The following RFTN2 variants were observed in gnomAD, a reference collection of about 807,000 sequenced individuals.
RFTN2 encodes the protein raftlin family member 2.
RFTN2 carries 34 observed loss-of-function variants against 52.7 expected under a neutral mutation model. The ratio of observed to expected loss-of-function variants is 0.64; its 90% CI spans 0.49 to 0.86. The LOEUF (loss-of-function observed/expected upper bound fraction) is 0.86. Ranked by LOEUF, RFTN2 falls within the 40% of genes least tolerant of loss-of-function variation. The pLI is 0.00. For missense variants in RFTN2, 536 were observed against 600.1 expected (o/e 0.89, Z 1.12); for synonymous variants, 203 against 217.7 (o/e 0.93, Z 0.59).
chr2:197,651,901 A>G (rs2088832380), intron 1 of RFTN2, among the ~76,000 whole-genome samples: 1 of 152,244 alleles, frequency 6.6e-6, no homozygotes, highest in Admixed American at 6.5e-5. Flanking sequence ...AAAAGCAATG[A>G]TGGTGTAAGG....
intron 8 of RFTN2, among the ~76,000 whole-genome samples, chr2:197,576,196 TG>T (rs948285371): frequency 6.6e-6 from 1 of 151,928 alleles, no homozygotes; most frequent in Admixed American, 6.6e-5. Flanking sequence ...TTAGTAGAGA[TG>T]GGGTTTCAAC....
chr2:197,616,859 G>A (rs1361588407), intron 6 of RFTN2, among the ~76,000 whole-genome samples: 2 of 152,056 alleles, frequency 1.3e-5, no homozygotes, highest in African/African-American at 2.4e-5. Context: ...TTGAAAATGG[G>A]CTATGTCTCT....
intron 8 of RFTN2, among the ~76,000 whole-genome samples, chr2:197,580,618 T>C (rs1476599627): frequency 6.6e-6 from 1 of 152,222 alleles, no homozygotes; most frequent in Admixed American, 6.5e-5. Flanking sequence ...CTTGGAAGCC[T>C]CCTGGACCAT....
rs1014827984 is a variant in RFTN2 at position 197,629,685 on chromosome 2, C to T, written c.928+1326G>A. Reference sequence around the variant, plus strand: ...TATTTTTAATTTTTATACACACACACACACACACACACACATATTTATTTT... The same window carrying T: ...TATTTTTAATTTTTATACACACACATACACACACACACACATATTTATTTT... On this transcript the variant is annotated intron_variant, in intron 5 of 8. Coordinates refer to ENST00000295049, the MANE Select transcript of RFTN2 (RefSeq NM_144629.3). Among the ~76,000 whole-genome samples the T allele has an allele frequency of 8.1e-5, 12 of 148,560 alleles. No individual in the cohort carries two copies. The East Asian group carries it at 2.4e-3, about 29-fold the overall frequency.
At chr2:197,575,810 C>G (rs1284067478) in intron 8 of RFTN2, among the ~76,000 whole-genome samples, 1 of 120,020 alleles carries the variant, frequency 8.3e-6, no homozygotes, top group Non-Finnish European at 1.7e-5. Flanking sequence ...ATTTTATATA[C>G]ATAATATATA....
chr2:197,596,043 A>G lies in RFTN2; in HGVS notation c.1181T>C (p.Ile394Thr). 6.2e-7 allele frequency: 1 copy of G among 1,612,100 alleles called. No homozygotes were observed. The highest frequency in any genetic ancestry group is 8.5e-7 in the Non-Finnish European group (1 of 1,178,416). Reference protein sequence around the residue: ...DSEGNLATKQIVFLQRPVMWN... With the variant: ...DSEGNLATKQTVFLQRPVMWN... ...CATAACTGGCCTCTGAAGGAATACG[A>G]TCTGCTTTGTAGCCAAATTCCCTTC... The change falls in exon 8 of 9, where the codon ATC (isoleucine) becomes ACC (threonine). Residue 394 changes from isoleucine to threonine, a missense_variant. Ile to Thr is a moderately conservative substitution (Grantham distance 89). Transcript: ENST00000295049.
chr2:197,600,813 G>C (rs568400865), intron 7 of RFTN2, among the ~76,000 whole-genome samples: 22 of 152,252 alleles, frequency 1.4e-4, no homozygotes, highest in African/African-American at 5.1e-4. Context: ...AGAATCTTCT[G>C]GTTCTGTTTT....
At position 197,571,177 on chromosome 2, in the gene RFTN2, G is replaced by A. The variant is rs2087311010; in HGVS notation, c.*831C>T. The A allele has an allele frequency of 1.3e-5, 2 of 152,294 alleles. No individual in the cohort carries two copies. Among genetic ancestry groups the A allele is most frequent in the South Asian group, 4.1e-4 (2 of 4,826 alleles). The allele number at this position is 152,294 out of a possible 1,614,324, so 9.4% of individuals were successfully genotyped here. A position where few individuals can be genotyped will look rare whatever the true frequency, so the allele number is the denominator to read the frequency against. Reference sequence around the variant, plus strand: ...TAAAAGCAGAATTCAAATCTAGACAGATGTAAAAGACTTCAGTTTCAAATT... The same window carrying A: ...TAAAAGCAGAATTCAAATCTAGACAAATGTAAAAGACTTCAGTTTCAAATT... On this transcript the variant is annotated 3_prime_UTR_variant, in exon 9 of 9. Coordinates refer to ENST00000295049, the MANE Select transcript of RFTN2 (RefSeq NM_144629.3).
At chr2:197,642,103 C>T (rs2088683388) in intron 3 of RFTN2, among the ~76,000 whole-genome samples, 1 of 152,124 alleles carries the variant, frequency 6.6e-6, no homozygotes, top group African/African-American at 2.4e-5. Flanking sequence ...AATTTAGTCT[C>T]AAAGACTAAA....
At chr2:197,650,707 G>T (rs951704922) in intron 1 of RFTN2, among the ~76,000 whole-genome samples, 2 of 152,080 alleles carry the variant, frequency 1.3e-5, no homozygotes, top group Non-Finnish European at 2.9e-5. Context: ...GAACATGTGG[G>T]TTGTTTCCAC....
intron 1 of RFTN2, among the ~76,000 whole-genome samples, chr2:197,655,530 T>C (rs1323455000): frequency 2.0e-5 from 3 of 152,156 alleles, no homozygotes; most frequent in South Asian, 4.1e-4. Context: ...CATAAGCTTA[T>C]GTAAAGATCA....
In RFTN2 at chr2:197,571,983, G is replaced by A; in HGVS notation, c.*25C>T. ...AATGATTTTAACAATTATTTACAGG[G>A]CCTTCCTTTGCTTCACCTCATGGCT... On this transcript the variant is annotated 3_prime_UTR_variant, in exon 9 of 9. Coordinates refer to ENST00000295049, the MANE Select transcript of RFTN2 (RefSeq NM_144629.3). The A allele has an allele frequency of 6.2e-7, 1 of 1,601,910 alleles. No homozygotes were observed. The highest frequency in any genetic ancestry group is 8.6e-7 in the Non-Finnish European group (1 of 1,169,224).
intron 8 of RFTN2, among the ~76,000 whole-genome samples, chr2:197,580,242 G>C (rs1353744446): frequency 6.6e-6 from 1 of 152,042 alleles, no homozygotes; most frequent in Non-Finnish European, 1.5e-5. Context: ...CGCCTTCAAG[G>C]TGTACAATAA....
At position 197,594,015 on chromosome 2, in the gene RFTN2, C is replaced by CT. The variant is rs11352058; in HGVS notation, c.1233+1975dup. 6.0e-3 allele frequency among the ~76,000 whole-genome samples: 574 copies of CT among 95,970 alleles called. 4 individuals carry two copies. The highest frequency in any genetic ancestry group is 9.0e-3 in the Non-Finnish European group (437 of 48,666). The allele number at this position is 95,970 out of a possible 152,430, so 63.0% of individuals were successfully genotyped here. On this transcript the variant is annotated intron_variant, in intron 8 of 8. Coordinates refer to ENST00000295049, the MANE Select transcript of RFTN2 (RefSeq NM_144629.3). Reference sequence around the variant, plus strand: ...TTTGCTTCTTTTAGGCAGAATATTTCTTTTTTTTTTTTTTTTTTTGAGACA... The same window carrying CT: ...TTTGCTTCTTTTAGGCAGAATATTTCTTTTTTTTTTTTTTTTTTTTGAGACA...
At chr2:197,610,084 T>A (rs1354480310) in intron 7 of RFTN2, among the ~76,000 whole-genome samples, 1 of 152,160 alleles carries the variant, frequency 6.6e-6, no homozygotes, top group Non-Finnish European at 1.5e-5. Flanking sequence ...GCTTAGGATT[T>A]TCTTGGCAAT....
chr2:197,620,525 CA>C (rs1234307800), intron 5 of RFTN2, among the ~76,000 whole-genome samples: 1 of 152,232 alleles, frequency 6.6e-6, no homozygotes, highest in East Asian at 1.9e-4. Flanking sequence ...ATAAAAAAGA[CA>C]AAAGTAATTT....
chr2:197,637,598 A>AT, intron 3 of RFTN2, among the ~76,000 whole-genome samples: 1 of 152,172 alleles, frequency 6.6e-6, no homozygotes, highest in South Asian at 2.1e-4. Flanking sequence ...CCCCTTTATC[A>AT]TTTTTTATTG....
chr2:197,590,465 A>G (rs1337158563), intron 8 of RFTN2, among the ~76,000 whole-genome samples: 3 of 152,180 alleles, frequency 2.0e-5, no homozygotes, highest in Non-Finnish European at 2.9e-5. Context: ...AAAAAATCCA[A>G]TGATACGCTT....
At chr2:197,626,822 G>T (rs897908933) in intron 5 of RFTN2, among the ~76,000 whole-genome samples, 1 of 151,668 alleles carries the variant, frequency 6.6e-6, no homozygotes, top group Non-Finnish European at 1.5e-5. Flanking sequence ...GTTTCACTAC[G>T]TTGGCCAGGC....
Sources: gnomAD v4.1 joint callset for allele counts (sites outside exome capture counted in the v4.1 genomes callset) on GRCh38, gnomAD v4.1.1 for gene constraint, MANE v1.5 for transcripts, NCBI Gene and HGNC (gene_info 2026-07-23, HGNC 2026-07-21) for gene names.